Variants in VWCE observed in about 807,000 individuals in gnomAD.
VWCE encodes the protein von Willebrand factor C and EGF domains, also known as von Willebrand factor C and EGF domain-containing protein.
In VWCE, 68 loss-of-function variants were observed where a neutral mutation model predicts 102.9. The ratio of observed to expected loss-of-function variants is 0.66; its 90% CI spans 0.54 to 0.81. VWCE has a LOEUF of 0.81. Ranked by LOEUF, VWCE falls within the 30% of genes least tolerant of loss-of-function variation. VWCE has a pLI of 0.00. For synonymous variants in VWCE, 497 were observed against 515.4 expected (o/e 0.96, Z 0.48); for missense variants, 1,137 against 1,263.6 (o/e 0.90, Z 1.52).
At chr11:61,293,241 CAAA>C (rs764741197) in intron 1 of VWCE, among the ~76,000 whole-genome samples, 5 of 18,048 alleles carry the variant, frequency 2.8e-4, no homozygotes, top group South Asian at 3.6e-3. Flanking sequence ...AACTCCATCT[CAAA>C]AAAAAAAAAA....
intron 1 of VWCE, among the ~76,000 whole-genome samples, 168 bp from the exon 2 acceptor site, chr11:61,291,744 G>A (rs1855508425): frequency 6.6e-6 from 1 of 152,230 alleles, no homozygotes; most frequent in South Asian, 2.1e-4. Flanking sequence ...GTCTTCTCCT[G>A]GAGGCAAGAC....
intron 19 of VWCE, among the ~76,000 whole-genome samples, chr11:61,261,268 C>A (rs1187992402): frequency 6.6e-6 from 1 of 151,156 alleles, no homozygotes; most frequent in Non-Finnish European, 1.5e-5. Flanking sequence ...AAGGAAAAAT[C>A]AGACGTTGTC....
At chr11:61,260,115 C>A (rs1468053855) in intron 19 of VWCE, among the ~76,000 whole-genome samples, 1 of 152,146 alleles carries the variant, frequency 6.6e-6, no homozygotes. Flanking sequence ...CTTAACCGGA[C>A]GTGGTGGCGC....
intron 19 of VWCE, among the ~76,000 whole-genome samples, chr11:61,259,576 G>A (rs1854294874): frequency 6.6e-6 from 1 of 152,192 alleles, no homozygotes; most frequent in African/African-American, 2.4e-5. Context: ...AATGGGCACA[G>A]CAGTAAGGAC....
At chr11:61,289,703 C>T (rs906435360) in intron 4 of VWCE, among the ~76,000 whole-genome samples, 3 of 152,174 alleles carry the variant, frequency 2.0e-5, no homozygotes, top group South Asian at 2.1e-4. Flanking sequence ...CACATACACA[C>T]ACTCACAAAC....
At chr11:61,271,446 A>T (rs1475156636) in intron 14 of VWCE, 3 of 445,954 alleles carry the variant, frequency 6.7e-6, no homozygotes, top group Non-Finnish European at 1.3e-5. Flanking sequence ...CACCTGGCCA[A>T]CAATACACAC....
chr11:61,279,223 A>T (rs980801248), intron 9 of VWCE, among the ~76,000 whole-genome samples: 1 of 152,152 alleles, frequency 6.6e-6, no homozygotes, highest in South Asian at 2.1e-4. Context: ...AAAGTACCCA[A>T]TACTTCGCAC....
intron 10 of VWCE, among the ~76,000 whole-genome samples, chr11:61,277,810 C>A (rs1413563735): frequency 6.6e-6 from 1 of 152,026 alleles, no homozygotes. Context: ...CAACCCTGGG[C>A]CTGGCACTCA....
At chr11:61,292,215 C>T (rs1315989362) in intron 1 of VWCE, among the ~76,000 whole-genome samples, 1 of 149,198 alleles carries the variant, frequency 6.7e-6, no homozygotes, top group African/African-American at 2.5e-5. Flanking sequence ...AGAGCCAGAC[C>T]GTCTCAAAAC....
rs538470325 is a variant in VWCE, at chr11:61,295,096, G to T, written c.-59C>A. The T allele has an allele frequency of 2.3e-5, 26 of 1,127,882 alleles. No homozygotes were observed. In the African/African-American group the frequency reaches 4.1e-4, roughly 18 times the overall value. The allele number at this position is 1,127,882 out of a possible 1,614,324, so 69.9% of individuals were successfully genotyped here. A position where few individuals can be genotyped will look rare whatever the true frequency, so the allele number is the denominator to read the frequency against. On this transcript the variant is annotated 5_prime_UTR_variant, in exon 1 of 20. Transcript: ENST00000335613. This position sits in a 1 kb window ranked among gnomAD's most constrained non-coding sequence, Gnocchi z 4.6. ...GGCTCCTGCGCCGCGCGCGGGAGAG[G>T]GGGCTGCCGGCCCTCGCCCCTCCTC... is the stretch of plus-strand genomic sequence containing the variant.
chr11:61,293,413 T>C (rs1026325003), intron 1 of VWCE, among the ~76,000 whole-genome samples: 3 of 131,746 alleles, frequency 2.3e-5, no homozygotes, highest in African/African-American at 9.6e-5. Context: ...TAAGATTCTG[T>C]CTCAAAAAAA....
chr11:61,261,819 AT>A (rs1323310637), intron 19 of VWCE, among the ~76,000 whole-genome samples: 1 of 151,724 alleles, frequency 6.6e-6, no homozygotes, highest in Non-Finnish European at 1.5e-5. Flanking sequence ...AAAAAAAAAA[AT>A]CATCAAAAGA....
At chr11:61,273,783 C>T (rs1350548906) in intron 12 of VWCE, 6 of 166,226 alleles carry the variant, frequency 3.6e-5, no homozygotes, top group African/African-American at 1.4e-4. Flanking sequence ...TGGTCACCAC[C>T]CCCACTCCCT....
chr11:61,291,389 G>A (rs778361959), intron 2 of VWCE, 36 bp from the exon 3 acceptor site: 3 of 1,598,874 alleles, frequency 1.9e-6, no homozygotes, highest in Non-Finnish European at 2.6e-6. Context: ...ACGAGGAACT[G>A]GGGCCTCCCG....
At chr11:61,282,006 T>C in intron 6 of VWCE, 92 bp from the exon 7 acceptor site, 1 of 1,526,232 alleles carries the variant, frequency 6.6e-7, no homozygotes, top group Non-Finnish European at 8.8e-7. Context: ...TTGGGGAGTT[T>C]CTCTGCCATG....
At position 61,291,365 on chromosome 11, in the gene VWCE, A is replaced by G. The variant is rs1297672366; in HGVS notation, c.206-12T>C. The G allele has an allele frequency of 6.2e-7, 1 of 1,610,122 alleles. No individual in the cohort carries two copies. The highest frequency in any genetic ancestry group is 1.3e-5 in the African/African-American group (1 of 74,898). ...GAAGGAGCAGAGGGCTGAGAGGAGA[A>G]GTGCAGGTGAGACACGAGGAACTGG... On this transcript the variant is annotated splice_polypyrimidine_tract_variant and intron_variant, in intron 2 of 19. Transcript: ENST00000335613.
intron 19 of VWCE, among the ~76,000 whole-genome samples, chr11:61,261,267 T>C (rs564463218): frequency 6.7e-6 from 1 of 150,140 alleles, no homozygotes; most frequent in Non-Finnish European, 1.5e-5. Context: ...CAAGGAAAAA[T>C]CAGACGTTGT....
chr11:61,280,946 G>A lies in VWCE; in HGVS notation c.1077C>T (p.Leu359=). 1.3e-6 allele frequency: 2 copies of A among 1,531,556 alleles called. No individual in the cohort carries two copies. The highest frequency in any genetic ancestry group is 1.8e-6 in the Non-Finnish European group (2 of 1,141,632). 94.9% of individuals were successfully genotyped at this position (1,531,556 alleles called of 1,614,324 possible). The change falls in exon 8 of 20, where the codon CTC becomes CTT. Residue 359 remains leucine, a synonymous_variant. Transcript: ENST00000335613. ...GGGTCCCCATCACCTCCCCCTGAAG[G>A]AGTGAGGGGGGTCTGAGGTTCCCCA... ...SLLGNLRPPS[L]LQGEVMGTPS...
Position 61,258,583 on chromosome 11 carries a change from C to A in VWCE, c.*92G>T. 1 of 1,259,942 alleles carries A rather than the reference C, an allele frequency of 7.9e-7. No individual in the cohort carries two copies. The highest frequency in any genetic ancestry group is 1.0e-6 in the Non-Finnish European group (1 of 985,670). The allele number at this position is 1,259,942 out of a possible 1,614,324, so 78.0% of individuals were successfully genotyped here. A position where few individuals can be genotyped will look rare whatever the true frequency, so the allele number is the denominator to read the frequency against. ...CCCTGCAGGAGGGAGCCCAGGCATCCCCACCAGGTTCATCCTTGGAGCTGC... is the reference window on the plus strand; with the variant it reads ...CCCTGCAGGAGGGAGCCCAGGCATCACCACCAGGTTCATCCTTGGAGCTGC... On this transcript the variant is annotated 3_prime_UTR_variant, in exon 20 of 20. Coordinates refer to ENST00000335613, the MANE Select transcript of VWCE (RefSeq NM_152718.2).
Sources: gnomAD v4.1 joint callset for allele counts (sites outside exome capture counted in the v4.1 genomes callset) on GRCh38, gnomAD v4.1.1 for gene constraint, Gnocchi (gnomAD v3.1) non-coding constraint, MANE v1.5 for transcripts, NCBI Gene and HGNC (gene_info 2026-07-23, HGNC 2026-07-21) for gene names.